PDE1C: variants seen among roughly 807,000 people sequenced by gnomAD.
PDE1C encodes the protein dual specificity calcium/calmodulin-dependent 3',5'-cyclic nucleotide phosphodiesterase 1C.
Under a neutral mutation model 93.1 loss-of-function variants are expected in PDE1C, and 62 were observed. The ratio of observed to expected loss-of-function variants is 0.67; its 90% CI spans 0.54 to 0.82. The LOEUF (loss-of-function observed/expected upper bound fraction) is 0.82, where lower values mean the gene tolerates loss of function less well. Among genes scored for constraint, PDE1C ranks in the 40% least tolerant of loss-of-function variants. The pLI, the probability that PDE1C is intolerant of heterozygous loss-of-function variation, is 0.00. For synonymous variants in PDE1C, 325 were observed against 310.1 expected (o/e 1.05, Z -0.50); for missense variants, 742 against 884.6 (o/e 0.84, Z 2.04).
chr7:31,977,392 T>A (rs1296596637), intron 2 of PDE1C, among the ~76,000 whole-genome samples: 1 of 152,212 alleles, frequency 6.6e-6, no homozygotes, highest in Non-Finnish European at 1.5e-5. Context: ...CTTTTCTTTA[T>A]AGATTACCCA....
chr7:32,067,303 A>C (rs1342718381), intron 1 of PDE1C, among the ~76,000 whole-genome samples: 1 of 152,196 alleles, frequency 6.6e-6, no homozygotes, highest in African/African-American at 2.4e-5. Flanking sequence ...TGGGGATAAA[A>C]AGCAAACCAA....
chr7:32,259,451 G>C (rs1029055954), intron 1 of PDE1C, among the ~76,000 whole-genome samples: 2 of 152,228 alleles, frequency 1.3e-5, no homozygotes, highest in African/African-American at 4.8e-5. Context: ...AGAAGGTGGG[G>C]CAACTGGATT....
intron 16 of PDE1C, among the ~76,000 whole-genome samples, chr7:31,791,886 C>T (rs148801818): frequency 2.3e-3 from 352 of 152,112 alleles, no homozygotes; most frequent in African/African-American, 7.7e-3. Context: ...GCTGCTAAAA[C>T]GAGATATTCC....
At chr7:31,679,821 C>T in the PDE1C span, among the ~76,000 whole-genome samples, 4 of 152,292 alleles carry the variant, frequency 2.6e-5, no homozygotes, top group East Asian at 7.7e-4. Flanking sequence ...GTTTGACAGG[C>T]TTTGGCGACA....
the PDE1C span, among the ~76,000 whole-genome samples, chr7:31,717,436 C>G: frequency 1.3e-5 from 2 of 152,100 alleles, no homozygotes; most frequent in Non-Finnish European, 2.9e-5. Context: ...CCTTGGGAGC[C>G]AAGCCAGAGT....
At chr7:32,128,936 T>G (rs1563336659) in intron 3 of PDE1C, among the ~76,000 whole-genome samples, 1 of 94,892 alleles carries the variant, frequency 1.1e-5, no homozygotes, top group Non-Finnish European at 2.2e-5. Flanking sequence ...TATATATATA[T>G]ATATATATAT....
At chr7:32,239,673 A>G (rs1453909864) in intron 1 of PDE1C, among the ~76,000 whole-genome samples, 3 of 152,340 alleles carry the variant, frequency 2.0e-5, no homozygotes, top group African/African-American at 7.2e-5. Flanking sequence ...AATAGCATCA[A>G]ATTAAGTATA....
the PDE1C span, among the ~76,000 whole-genome samples, chr7:31,726,475 A>T: frequency 6.6e-6 from 1 of 152,196 alleles, no homozygotes; most frequent in Non-Finnish European, 1.5e-5. Flanking sequence ...AGGCATTCAC[A>T]AGCAGGCCTT....
the PDE1C span, among the ~76,000 whole-genome samples, chr7:31,680,655 T>A: frequency 2.0e-5 from 3 of 152,142 alleles, no homozygotes; most frequent in Non-Finnish European, 1.5e-5. Context: ...GCCCTTTGGA[T>A]CAGAATGGTG....
At chr7:31,853,750 T>C (rs1793643691) in intron 7 of PDE1C, among the ~76,000 whole-genome samples, 1 of 151,996 alleles carries the variant, frequency 6.6e-6, no homozygotes, top group South Asian at 2.1e-4. Context: ...CACTCTGTTG[T>C]CCGGGCTGGA....
intron 2 of PDE1C, among the ~76,000 whole-genome samples, chr7:31,986,928 G>A (rs868282726): frequency 1.9e-4 from 21 of 110,748 alleles, no homozygotes; most frequent in African/African-American, 7.2e-4. Context: ...CATTGAACAC[G>A]AACACACACA....
intron 1 of PDE1C, among the ~76,000 whole-genome samples, chr7:32,066,008 G>A (rs1795356763): frequency 1.3e-5 from 2 of 152,318 alleles, no homozygotes; most frequent in South Asian, 4.1e-4. Context: ...GCTTCCTTTT[G>A]AGCACTAGCC....
intron 2 of PDE1C, among the ~76,000 whole-genome samples, chr7:32,023,250 A>G (rs189322571): frequency 8.5e-5 from 13 of 152,280 alleles, no homozygotes; most frequent in Non-Finnish European, 1.8e-4. Flanking sequence ...AGGCTTTAAC[A>G]TACAGCTTGC....
chr7:32,427,211 A>T (rs1037503162), intron 1 of PDE1C, among the ~76,000 whole-genome samples: 2 of 152,162 alleles, frequency 1.3e-5, no homozygotes, highest in African/African-American at 4.8e-5. Flanking sequence ...TTCTACTTAC[A>T]TTGTGTGGTC....
At chr7:32,336,413 G>A (rs1303905669) in intron 1 of PDE1C, among the ~76,000 whole-genome samples, 1 of 152,128 alleles carries the variant, frequency 6.6e-6, no homozygotes, top group Non-Finnish European at 1.5e-5. Context: ...ACCGCATGTT[G>A]CCCTTATTAT....
chr7:31,954,760 C>A (rs1407056342), intron 2 of PDE1C, among the ~76,000 whole-genome samples: 1 of 152,152 alleles, frequency 6.6e-6, no homozygotes, highest in Non-Finnish European at 1.5e-5. Context: ...TAGAGGCTGT[C>A]TCATATGATG....
intron 11 of PDE1C, among the ~76,000 whole-genome samples, chr7:31,828,605 G>A (rs1319694330): frequency 6.6e-6 from 1 of 152,190 alleles, no homozygotes; most frequent in Non-Finnish European, 1.5e-5. Context: ...TTGCTGTAAA[G>A]AAAGCCTCAT....
intron 5 of PDE1C, among the ~76,000 whole-genome samples, chr7:31,877,768 G>A (rs1302606536): frequency 6.6e-6 from 1 of 150,656 alleles, no homozygotes; most frequent in African/African-American, 2.4e-5. Flanking sequence ...CCCACACAGA[G>A]TTTGATTGTT....
chr7:31,633,389 G>T, the PDE1C span, among the ~76,000 whole-genome samples: 1 of 152,202 alleles, frequency 6.6e-6, no homozygotes, highest in East Asian at 1.9e-4. Context: ...GTCATTGCTT[G>T]TCACCAAAAG....
Sources: allele counts gnomAD v4.1 joint callset (sites outside exome capture counted in the v4.1 genomes callset), GRCh38; gene constraint gnomAD v4.1.1; transcripts MANE v1.5; gene names NCBI Gene and HGNC (gene_info 2026-07-23, HGNC 2026-07-21).